The following JUP variants were observed in gnomAD, a reference collection of about 807,000 sequenced individuals.
JUP encodes catenin (cadherin-associated protein), gamma 80kDa.
Under a neutral mutation model 71.1 loss-of-function variants are expected in JUP, and 28 were observed. The observed-to-expected ratio is 0.39, with a 90% CI of 0.29 to 0.54. JUP has a LOEUF of 0.54. Ranked by LOEUF, JUP falls within the 20% of genes least tolerant of loss-of-function variation. The pLI is 0.62. For missense variants in JUP, 869 were observed against 1,030.1 expected (o/e 0.84, Z 2.14); for synonymous variants, 401 against 438.9 (o/e 0.91, Z 1.08).
intron 1 of JUP, among the ~76,000 whole-genome samples, chr17:41,774,929 T>C (rs567916903): frequency 6.6e-6 from 1 of 152,000 alleles, no homozygotes; most frequent in East Asian, 2.0e-4. Flanking sequence ...GGTGAAATCC[T>C]GTCTCTACTA....
intron 2 of JUP, chr17:41,771,433 T>C (rs1165449487): frequency 3.3e-6 from 2 of 605,004 alleles, no homozygotes; most frequent in Non-Finnish European, 5.9e-6. Flanking sequence ...TCCCTACTGA[T>C]GGTTCACAGA....
At chr17:41,782,133 C>T (rs2047198183) in intron 1 of JUP, among the ~76,000 whole-genome samples, 1 of 152,182 alleles carries the variant, frequency 6.6e-6, no homozygotes, top group South Asian at 2.1e-4. Flanking sequence ...ACCCCAAATC[C>T]AGGCCCATTC....
chr17:41,767,817 C>A (rs1409241293), intron 4 of JUP, among the ~76,000 whole-genome samples: 2 of 152,228 alleles, frequency 1.3e-5, no homozygotes, highest in Admixed American at 6.5e-5. Flanking sequence ...GAGTCCCCAG[C>A]CCTGTGCTGA....
intron 1 of JUP, among the ~76,000 whole-genome samples, chr17:41,774,524 G>A (rs1239667485): frequency 1.3e-5 from 2 of 151,904 alleles, no homozygotes; most frequent in African/African-American, 2.4e-5. Context: ...AGTAAAGACC[G>A]GGTTTCCCCA....
chr17:41,775,335 G>T lies in JUP; in HGVS notation c.-8-3473C>A, dbSNP rs186090121. Among the ~76,000 whole-genome samples the T allele has an allele frequency of 3.5e-4, 53 of 152,284 alleles. 2 individuals are homozygous for T. Among genetic ancestry groups the T allele is most frequent in the Admixed American group, 3.4e-3 (52 of 15,290 alleles). Reference sequence around the variant, plus strand: ...ACTCCTCCTGAGGAAGGGGTCACGGGAGCTATTCCTGCAACAGGAAGGCTG... The same window carrying T: ...ACTCCTCCTGAGGAAGGGGTCACGGTAGCTATTCCTGCAACAGGAAGGCTG... On this transcript the variant is annotated intron_variant, in intron 1 of 13. Transcript: ENST00000393931.
intron 8 of JUP, among the ~76,000 whole-genome samples, chr17:41,762,207 T>TGTGTG (rs1915006516): frequency 1.5e-4 from 13 of 86,884 alleles, no homozygotes; most frequent in African/African-American, 7.0e-4. Context: ...GTGTGTGTGT[T>TGTGTG]TTAGATTGTT....
In JUP at chr17:41,764,582, C is replaced by T. The variant is rs576147402; in HGVS notation, c.1158+131G>A. 1,264 of 651,480 alleles carry T rather than the reference C, an allele frequency of 1.9e-3. 1 individual carries two copies. The highest frequency in any genetic ancestry group is 3.0e-3 in the Non-Finnish European group (1,096 of 365,208). 40.4% of individuals were successfully genotyped at this position (651,480 alleles called of 1,614,324 possible). ...AGAGATGAGGGTTTTCAAGGCATTT[C>T]CAGCCTCAGTCACAAGGAAGAGAGA... On this transcript the variant is annotated intron_variant, in intron 7 of 13. Coordinates refer to ENST00000393931, the MANE Select transcript of JUP (RefSeq NM_002230.4).
chr17:41,768,120 T>C (rs141998194), intron 4 of JUP, among the ~76,000 whole-genome samples: 9 of 151,858 alleles, frequency 5.9e-5, no homozygotes, highest in African/African-American at 2.2e-4. Flanking sequence ...AAAATTGAGC[T>C]GGGCATGGTG....
At chr17:41,766,693 A>G (rs1306678179) in intron 5 of JUP, among the ~76,000 whole-genome samples, 1 of 152,078 alleles carries the variant, frequency 6.6e-6, no homozygotes, top group East Asian at 1.9e-4. Flanking sequence ...TGTCTCTACT[A>G]AAAATACAAA....
Position 41,769,142 on chromosome 17 carries a change from G to A in JUP, c.534C>T (p.Ala178=), listed in dbSNP as rs1916171269. The A allele has an allele frequency of 6.2e-7, 1 of 1,607,786 alleles. No homozygotes were observed. Among genetic ancestry groups the A allele is most frequent in the Non-Finnish European group, 8.5e-7 (1 of 1,179,912 alleles). Residue 178 remains alanine (A), a synonymous_variant, in exon 4 of 14, where the codon GCC becomes GCT. Coordinates refer to ENST00000393931, the MANE Select transcript of JUP (RefSeq NM_002230.4). ...QLSKKEASRR[A]LMGSPQLVAA... is the part of the protein sequence containing the mutation. ...CCACCAGCTGGGGCGAGCCCATCAG[G>A]GCCCGCCGCGACGCCTCCTTCTTCG...
At position 41,763,152 on chromosome 17, in the gene JUP, A is replaced by G. The variant is rs1555602212; in HGVS notation, c.1328T>C (p.Leu443Pro). Residue 443 changes from leucine (L) to proline (P), a missense_variant, in exon 8 of 14, where the codon CTG becomes CCG. Physicochemically the swap from Leu to Pro is moderately conservative, Grantham distance 98. Coordinates refer to ENST00000393931, the MANE Select transcript of JUP (RefSeq NM_002230.4). ...SGVEALIHAI[L>P]RAGDKDDITE... ...GATGTCGTCCTTGTCACCAGCACGC[A>G]GGATGGCATGGATGAGAGCCTCCAC... 2.5e-6 allele frequency: 4 copies of G among 1,614,248 alleles called. No homozygotes were observed. The African/African-American group carries it at 4.0e-5, about 16-fold the overall frequency.
rs1488186103 is a variant in JUP at position 41,756,225 on chromosome 17, A to G, written c.2047-11T>C. On this transcript the variant is annotated splice_polypyrimidine_tract_variant and intron_variant, in intron 12 of 13. Coordinates refer to ENST00000393931, the MANE Select transcript of JUP (RefSeq NM_002230.4). ...AATCATGCTCTGGGCCTGAAAAAGGAGAGAGAAACATGGAGGGGAGGTTTG... is the reference window on the plus strand; with the variant it reads ...AATCATGCTCTGGGCCTGAAAAAGGGGAGAGAAACATGGAGGGGAGGTTTG... The G allele has an allele frequency of 4.3e-6, 7 of 1,613,468 alleles. No homozygotes were observed. The highest frequency in any genetic ancestry group is 5.9e-6 in the Non-Finnish European group (7 of 1,179,704).
chr17:41,782,721 A>C (rs1421207535), intron 1 of JUP, among the ~76,000 whole-genome samples: 1 of 151,694 alleles, frequency 6.6e-6, no homozygotes, highest in Non-Finnish European at 1.5e-5. Flanking sequence ...CACCTACAAA[A>C]CCTGCCCTAC....
At chr17:41,771,471 A>C (rs1916637617) in intron 2 of JUP, 176 bp downstream of exon 2, 1 of 633,284 alleles carries the variant, frequency 1.6e-6, no homozygotes, top group Admixed American at 2.5e-5. Context: ...TCCCAGATGC[A>C]GCACCCTGAA....
intron 12 of JUP, among the ~76,000 whole-genome samples, chr17:41,757,186 G>A (rs1229991740): frequency 2.6e-5 from 4 of 152,180 alleles, no homozygotes; most frequent in African/African-American, 9.7e-5. Flanking sequence ...TTACAAAAAG[G>A]CACCCCCACC....
intron 7 of JUP, among the ~76,000 whole-genome samples, chr17:41,764,178 G>T (rs1915315760): frequency 6.6e-6 from 1 of 152,182 alleles, no homozygotes; most frequent in African/African-American, 2.4e-5. Flanking sequence ...TCCTTAAATT[G>T]TATTTTTAGT....
At chr17:41,782,736 A>ACCACTCACACATGCCTTCATGGGC (rs2047227978) in intron 1 of JUP, among the ~76,000 whole-genome samples, 1 of 151,882 alleles carries the variant, frequency 6.6e-6, no homozygotes, top group Non-Finnish European at 1.5e-5. Context: ...CCCTACATTC[A>ACCACTCACACATGCCTTCATGGGC]CCACTCACAC....
intron 5 of JUP, among the ~76,000 whole-genome samples, chr17:41,765,809 G>A (rs1555603820): frequency 6.6e-6 from 1 of 152,192 alleles, no homozygotes; most frequent in Non-Finnish European, 1.5e-5. Flanking sequence ...CTGGCCATTT[G>A]GGGAAAAGCC....
chr17:41,772,335 A>G (rs1054229544), intron 1 of JUP: 5 of 277,638 alleles, frequency 1.8e-5, no homozygotes, highest in Non-Finnish European at 2.8e-5. Context: ...GCCATTGGGC[A>G]GGAAACTGGG....
Sources: gnomAD v4.1 joint callset for allele counts (sites outside exome capture counted in the v4.1 genomes callset) on GRCh38, gnomAD v4.1.1 for gene constraint, MANE v1.5 for transcripts, NCBI Gene and HGNC (gene_info 2026-07-23, HGNC 2026-07-21) for gene names.